The following NOTCH2NLR variants were observed in gnomAD, a reference collection of about 807,000 sequenced individuals.
NOTCH2NLR encodes notch 2 N-terminal like R.
NOTCH2NLR carries 33 observed loss-of-function variants against 35.6 expected under a neutral mutation model. The observed-to-expected ratio is 0.93, with a 90% CI of 0.70 to 1.24. NOTCH2NLR has a LOEUF of 1.24. Ranked by LOEUF, NOTCH2NLR falls within the 50% of genes most tolerant of loss-of-function variation. The pLI is 0.00. For missense variants in NOTCH2NLR, 276 were observed against 362.2 expected (o/e 0.76, Z 1.93); for synonymous variants, 103 against 141.0 (o/e 0.73, Z 1.91).
Position 120,752,656 on chromosome 1 carries a change from C to T in NOTCH2NLR, c.74-10972C>T, listed in dbSNP as rs1411098529. On this transcript the variant is annotated intron_variant, in intron 1 of 4. Transcript: ENST00000624419. ...CACAATCTTGGCTCATTGCAAGCTC[C>T]GCCTCCCGGGTTCATGCCATTCTCC... is the stretch of plus-strand genomic sequence containing the variant. Among the ~76,000 whole-genome samples, 2 of 39,658 alleles carry T rather than the reference C, an allele frequency of 5.0e-5. 1 individual carries two copies. Among genetic ancestry groups the T allele is most frequent in the Non-Finnish European group, 7.9e-5 (2 of 25,468 alleles). 26.0% of individuals were successfully genotyped at this position (39,658 alleles called of 152,430 possible). A position where few individuals can be genotyped will look rare whatever the true frequency, so the allele number is the denominator to read the frequency against.
At chr1:120,785,361 G>A in intron 3 of NOTCH2NLR, 128 bp downstream of exon 3, 1 of 614,198 alleles carries the variant, frequency 1.6e-6, no homozygotes. Flanking sequence ...ATTATGATAA[G>A]GAACTGGGAT....
rs1303079757 is a variant in NOTCH2NLR at position 120,784,996 on chromosome 1, G to T, written c.178G>T (p.Glu60Ter). The change falls in exon 3 of 5, where the codon GAA becomes TAA. Residue 60 changes from glutamate to a stop codon, truncating the protein, a stop_gained. Transcript: ENST00000624419. LOFTEE classifies it high-confidence loss of function. ...CAGATGTCCAGAAGGCTTCTTGGGG[G>T]AATATTGTCAACATCGAGACCCCTG... 5 of 1,421,030 alleles carry T rather than the reference G, an allele frequency of 3.5e-6. No individual in the cohort carries two copies. The highest frequency in any genetic ancestry group is 1.2e-5 in the South Asian group (1 of 82,334). 88.0% of individuals were successfully genotyped at this position (1,421,030 alleles called of 1,614,324 possible).
In NOTCH2NLR at chr1:120,728,794, T is replaced by C. The variant is rs1311031550; in HGVS notation, c.73+4544T>C. 4.9e-4 allele frequency among the ~76,000 whole-genome samples: 57 copies of C among 116,186 alleles called. 10 individuals are homozygous for C. The highest frequency in any genetic ancestry group is 7.6e-4 in the Non-Finnish European group (46 of 60,786). The allele number at this position is 116,186 out of a possible 152,430, so 76.2% of individuals were successfully genotyped here. A position where few individuals can be genotyped will look rare whatever the true frequency, so the allele number is the denominator to read the frequency against. On this transcript the variant is annotated intron_variant, in intron 1 of 4. Coordinates refer to ENST00000624419, the Ensembl canonical transcript of NOTCH2NLR. ...GTACTGGATTGAGAGAATATGTACA[T>C]TTAGTAAAGTATATTTGCTTTTTTT...
intron 1 of NOTCH2NLR, among the ~76,000 whole-genome samples, chr1:120,756,525 G>A (rs1651082149): frequency 8.6e-6 from 1 of 116,658 alleles, no homozygotes; most frequent in African/African-American, 5.0e-5. Context: ...AATCATGTGA[G>A]ATAGACGACA....
In NOTCH2NLR at chr1:120,785,071, C is replaced by A; in HGVS notation, c.253C>A (p.Leu85Met). Residue 85 changes from leucine to methionine, a missense_variant, in exon 3 of 5, where the codon CTG becomes ATG. Coordinates refer to ENST00000624419, the Ensembl canonical transcript of NOTCH2NLR. The stretch of plus-strand genomic sequence containing the variant: ...TGGGACTTGTGTGGCCCAGGCCATG[C>A]TGGGGAAAGCCACGTGCCGGTGTGC... 10 of 1,446,040 alleles carry A rather than the reference C, an allele frequency of 6.9e-6. 1 individual carries two copies. The South Asian group carries it at 1.2e-4, about 17-fold the overall frequency. 89.6% of individuals were successfully genotyped at this position (1,446,040 alleles called of 1,614,324 possible). A position where few individuals can be genotyped will look rare whatever the true frequency, so the allele number is the denominator to read the frequency against.
At chr1:120,759,010 AT>A (rs1651105454) in intron 1 of NOTCH2NLR, among the ~76,000 whole-genome samples, 1 of 111,268 alleles carries the variant, frequency 9.0e-6, no homozygotes, top group Non-Finnish European at 1.7e-5. Flanking sequence ...TATTTTATTA[AT>A]TTTTTAGCCA....
chr1:120,750,872 G>GTAAC (rs1651015619), intron 1 of NOTCH2NLR, among the ~76,000 whole-genome samples: 1 of 96,566 alleles, frequency 1.0e-5, no homozygotes, highest in Admixed American at 1.0e-4. Context: ...ACTTTATGTG[G>GTAAC]TAACATATAT....
At chr1:120,783,643 T>C (rs1651390541) in intron 2 of NOTCH2NLR, among the ~76,000 whole-genome samples, 1 of 108,076 alleles carries the variant, frequency 9.3e-6, no homozygotes, top group Non-Finnish European at 1.7e-5. Context: ...GAACAGTGTA[T>C]TTTGGAGTCA....
intron 2 of NOTCH2NLR, among the ~76,000 whole-genome samples, chr1:120,783,795 A>C (rs1188529580): frequency 8.7e-6 from 1 of 114,344 alleles, no homozygotes; most frequent in Non-Finnish European, 1.7e-5. Context: ...CCAGACTAAG[A>C]CTTCACTGGG....
rs1192332291 is a variant in NOTCH2NLR, at chr1:120,793,279, G to A, written c.534G>A (p.Lys178=). 8.5e-5 allele frequency: 118 copies of A among 1,392,784 alleles called. 20 individuals are homozygous for A. The highest frequency in any genetic ancestry group is 7.2e-4 in the Middle Eastern group (4 of 5,554). 86.3% of individuals were successfully genotyped at this position (1,392,784 alleles called of 1,614,324 possible). Residue 178 remains lysine (K), a synonymous_variant, in exon 4 of 5, where the codon AAG becomes AAA. Transcript: ENST00000624419. ...GCCTCACAGGCTTCACAGGGCAGAA[G>A]TGTGAGACTGATGTCAATGAGTGTG...
intron 1 of NOTCH2NLR, among the ~76,000 whole-genome samples, chr1:120,743,836 A>AT (rs1300280736): frequency 4.0e-5 from 5 of 126,110 alleles, no homozygotes; most frequent in Admixed American, 8.2e-5. Context: ...TAGGTTTTGC[A>AT]TTTTTTTAGC....
downstream of NOTCH2NLR, among the ~76,000 whole-genome samples, chr1:120,794,148 T>C (rs1222516806): frequency 8.7e-6 from 1 of 114,404 alleles, no homozygotes; most frequent in South Asian, 2.5e-4. Flanking sequence ...TGAGAGACTA[T>C]GTGTGGCACA....
downstream of NOTCH2NLR, among the ~76,000 whole-genome samples, chr1:120,794,167 T>C (rs1343027875): frequency 0.011 from 1,282 of 115,650 alleles, 322 homozygotes; most frequent in Non-Finnish European, 0.015. Context: ...CAATACTTTG[T>C]TACACTCTTC....
chr1:120,764,042 T>A (rs1224758269), intron 2 of NOTCH2NLR, among the ~76,000 whole-genome samples: 1 of 109,480 alleles, frequency 9.1e-6, no homozygotes, highest in Non-Finnish European at 1.7e-5. Flanking sequence ...AGGTCAGGAG[T>A]TCAAGATCAG....
rs1411828344 is a variant in NOTCH2NLR, at chr1:120,768,586, A to T, written c.155+4877A>T. On this transcript the variant is annotated intron_variant, in intron 2 of 4. Coordinates refer to ENST00000624419, the Ensembl canonical transcript of NOTCH2NLR. ...CACACTCTTCCTCTTCTGCTGCATG[A>T]ACTGGGGTGTACCTTCACGATAAAA... Among the ~76,000 whole-genome samples, 2 of 109,312 alleles carry T rather than the reference A, an allele frequency of 1.8e-5. 1 individual carries two copies. The highest frequency in any genetic ancestry group is 3.4e-5 in the Non-Finnish European group (2 of 58,902). The allele number at this position is 109,312 out of a possible 152,430, so 71.7% of individuals were successfully genotyped here.
At chr1:120,759,464 A>G (rs1651110944) in intron 1 of NOTCH2NLR, among the ~76,000 whole-genome samples, 2 of 62,388 alleles carry the variant, frequency 3.2e-5, no homozygotes, top group South Asian at 4.3e-4. Flanking sequence ...TCTCTATGGT[A>G]TGATTAATGT....
Position 120,793,138 on chromosome 1 carries a change from G to A in NOTCH2NLR, c.416-23G>A. 1.3e-5 allele frequency: 15 copies of A among 1,115,524 alleles called. 4 individuals carry two copies. Among genetic ancestry groups the A allele is most frequent in the South Asian group, 9.2e-5 (7 of 75,966 alleles). The allele number at this position is 1,115,524 out of a possible 1,614,324, so 69.1% of individuals were successfully genotyped here. ...ATCTCCTATTTCTGTGGCCAGTACTGAGTTTTGTTATCCTTCCTTTAGGTA... is the reference window on the plus strand; with the variant it reads ...ATCTCCTATTTCTGTGGCCAGTACTAAGTTTTGTTATCCTTCCTTTAGGTA... On this transcript the variant is annotated intron_variant, in intron 3 of 4. Coordinates refer to ENST00000624419, the Ensembl canonical transcript of NOTCH2NLR.
chr1:120,759,112 A>G (rs1329738340), intron 1 of NOTCH2NLR, among the ~76,000 whole-genome samples: 1 of 73,632 alleles, frequency 1.4e-5, no homozygotes, highest in Non-Finnish European at 2.3e-5. Context: ...GCCTGCCGAT[A>G]GTAGATGCTT....
Position 120,763,628 on chromosome 1 carries a change from C to A in NOTCH2NLR, c.74C>A (p.Ala25Glu), listed in dbSNP as rs1364895602. ...AATGTGCATTTGTTTTTATTTTTAG[C>A]ATTGCAGTGTCGAGATGGCTATGAA... The change falls in exon 2 of 5, where the codon GCA becomes GAA. Residue 25 changes from alanine to glutamate, a missense_variant and splice_region_variant. Physicochemically the swap from Ala to Glu is moderately radical, Grantham distance 107 (BLOSUM62 -1). Coordinates refer to ENST00000624419, the Ensembl canonical transcript of NOTCH2NLR. 27 of 1,357,156 alleles carry A rather than the reference C, an allele frequency of 2.0e-5. 5 individuals carry two copies. The highest frequency in any genetic ancestry group is 2.7e-5 in the Non-Finnish European group (27 of 1,006,572). 84.1% of individuals were successfully genotyped at this position (1,357,156 alleles called of 1,614,324 possible).
Sources: gnomAD v4.1 joint callset for allele counts (sites outside exome capture counted in the v4.1 genomes callset) on GRCh38, gnomAD v4.1.1 for gene constraint, MANE v1.5 for transcripts, NCBI Gene and HGNC (gene_info 2026-07-23, HGNC 2026-07-21) for gene names.